Variants in CACNA1C observed in about 807,000 individuals in gnomAD.
CACNA1C encodes the protein voltage-dependent L-type calcium channel subunit alpha-1C.
Under a neutral mutation model 229.0 loss-of-function variants are expected in CACNA1C, and 30 were observed. The observed-to-expected ratio is 0.13, with a 90% CI of 0.10 to 0.18. CACNA1C has a LOEUF of 0.18. CACNA1C is among the 10% of genes least tolerant of loss of function. CACNA1C has a pLI of 1.00. For synonymous variants in CACNA1C, 1,114 were observed against 1,132.5 expected (o/e 0.98, Z 0.33); for missense variants, 1,658 against 2,845.0 (o/e 0.58, Z 9.49).
At chr12:2,044,323 C>T (rs2050711493) in intron 1 of CACNA1C, among the ~76,000 whole-genome samples, 2 of 152,188 alleles carry the variant, frequency 1.3e-5, no homozygotes, top group African/African-American at 4.8e-5. Flanking sequence ...TTCCACCAGG[C>T]TCCACTTGGC....
chr12:2,471,529 G>A (rs1161933430), intron 5 of CACNA1C, among the ~76,000 whole-genome samples: 1 of 152,150 alleles, frequency 6.6e-6, no homozygotes, highest in Non-Finnish European at 1.5e-5. Flanking sequence ...AATTAGCTAA[G>A]CTTTTGTTTA....
chr12:2,083,407 C>A (rs569653979), intron 1 of CACNA1C, among the ~76,000 whole-genome samples: 1 of 152,194 alleles, frequency 6.6e-6, no homozygotes, highest in Non-Finnish European at 1.5e-5. Context: ...AAGAGCATTT[C>A]GACTCTCCCA....
intron 3 of CACNA1C, among the ~76,000 whole-genome samples, chr12:2,188,373 C>T (rs1035064649): frequency 3.9e-5 from 6 of 151,976 alleles, no homozygotes; most frequent in South Asian, 2.1e-4. Flanking sequence ...AACTATGGAT[C>T]GAGATGCATT....
At chr12:2,168,053 T>C (rs1455056058) in intron 3 of CACNA1C, among the ~76,000 whole-genome samples, 1 of 152,016 alleles carries the variant, frequency 6.6e-6, no homozygotes, top group Non-Finnish European at 1.5e-5. Context: ...AGTAGGTCAG[T>C]TTGTGTGTGG....
At chr12:2,363,575 G>A (rs1013522470) in intron 3 of CACNA1C, among the ~76,000 whole-genome samples, 33 of 152,156 alleles carry the variant, frequency 2.2e-4, no homozygotes, top group African/African-American at 7.7e-4. Flanking sequence ...TGCTTCCACA[G>A]TGCCCACCCC....
intron 3 of CACNA1C, among the ~76,000 whole-genome samples, chr12:2,179,552 C>T (rs910006663): frequency 6.6e-6 from 1 of 152,116 alleles, no homozygotes; most frequent in African/African-American, 2.4e-5. Flanking sequence ...TGAACATTGA[C>T]CCAGACCCCT....
At chr12:2,548,690 A>AAAT (rs1812353381) in intron 9 of CACNA1C, among the ~76,000 whole-genome samples, 1 of 152,174 alleles carries the variant, frequency 6.6e-6, no homozygotes, top group Admixed American at 6.5e-5. Context: ...CATGTTCTTG[A>AAAT]AATGATTCTC....
At chr12:2,179,523 A>G (rs7138967) in intron 3 of CACNA1C, among the ~76,000 whole-genome samples, 6,331 of 152,264 alleles carry the variant, frequency 0.042, 428 homozygotes, top group African/African-American at 0.14. Flanking sequence ...GCACCACAGA[A>G]ACTCCGGGCT....
chr12:2,420,115 G>GTT (rs1426966349), intron 3 of CACNA1C, among the ~76,000 whole-genome samples: 1 of 148,052 alleles, frequency 6.8e-6, no homozygotes, highest in African/African-American at 2.5e-5. Flanking sequence ...GTGTGTGTGT[G>GTT]TGTGTGTGTG....
chr12:2,636,208 C>T (rs1261085847), intron 30 of CACNA1C, among the ~76,000 whole-genome samples: 5 of 152,174 alleles, frequency 3.3e-5, no homozygotes, highest in African/African-American at 7.2e-5. Context: ...GCAGAGGGGC[C>T]GAGAGCCCCA....
intron 5 of CACNA1C, among the ~76,000 whole-genome samples, chr12:2,465,780 G>C (rs762463789): frequency 6.6e-6 from 1 of 152,014 alleles, no homozygotes; most frequent in East Asian, 1.9e-4. Context: ...GGAGGTTCAC[G>C]AACCCACCCG....
At chr12:2,201,610 G>A (rs772263478) in intron 3 of CACNA1C, among the ~76,000 whole-genome samples, 30 of 152,298 alleles carry the variant, frequency 2.0e-4, no homozygotes, top group Non-Finnish European at 2.8e-4. Flanking sequence ...ATTTATCCTC[G>A]CTATAAATGT....
At chr12:2,469,850 T>C (rs982152913) in intron 5 of CACNA1C, among the ~76,000 whole-genome samples, 2 of 152,228 alleles carry the variant, frequency 1.3e-5, no homozygotes, top group Non-Finnish European at 2.9e-5. Flanking sequence ...TCCCCAGAAA[T>C]TGTTAGACTT....
At chr12:2,337,379 T>C (rs1489790024) in intron 3 of CACNA1C, among the ~76,000 whole-genome samples, 2 of 152,210 alleles carry the variant, frequency 1.3e-5, no homozygotes, top group African/African-American at 4.8e-5. Flanking sequence ...ACCCCAAGAC[T>C]GTAGGCCTTC....
intron 9 of CACNA1C, among the ~76,000 whole-genome samples, chr12:2,547,874 G>A (rs909364193): frequency 6.6e-6 from 1 of 152,106 alleles, no homozygotes; most frequent in African/African-American, 2.4e-5. Flanking sequence ...AGGTGCTGTC[G>A]TTATTTCCAG....
In CACNA1C at chr12:2,072,651, G is replaced by A. The variant is rs1437790694; in HGVS notation, c.49+19040G>A. On this transcript the variant is annotated intron_variant, in intron 1 of 46. Coordinates refer to ENST00000399655, the MANE Select transcript of CACNA1C (RefSeq NM_000719.7). Reference sequence around the variant, plus strand: ...ATGGTTTCTCCTTTTCAATGTTTTGGTATATAATTTGGTATATGAGGTATA... The same window carrying A: ...ATGGTTTCTCCTTTTCAATGTTTTGATATATAATTTGGTATATGAGGTATA... Among the ~76,000 whole-genome samples, 3 of 151,978 alleles carry A rather than the reference G, an allele frequency of 2.0e-5. No individual in the cohort carries two copies. In the East Asian group the frequency reaches 5.8e-4, roughly 29 times the overall value.
chr12:2,620,416 G>C (rs1380214421), intron 29 of CACNA1C, among the ~76,000 whole-genome samples: 1 of 152,180 alleles, frequency 6.6e-6, no homozygotes, highest in Non-Finnish European at 1.5e-5. Flanking sequence ...CGCTTAGTGA[G>C]TCCTCAGTAA....
chr12:2,185,601 G>A (rs2154289432), intron 3 of CACNA1C, among the ~76,000 whole-genome samples: 1 of 152,340 alleles, frequency 6.6e-6, no homozygotes. Context: ...CACATAGAAG[G>A]AAAAGCATGT....
chr12:2,535,107 G>A (rs2099849982), intron 9 of CACNA1C, among the ~76,000 whole-genome samples: 1 of 152,228 alleles, frequency 6.6e-6, no homozygotes, highest in Non-Finnish European at 1.5e-5. Flanking sequence ...AAAGCAGCTA[G>A]AGCCGGGCAC....
Sources: gnomAD v4.1 joint callset for allele counts (sites outside exome capture counted in the v4.1 genomes callset) on GRCh38, gnomAD v4.1.1 for gene constraint, MANE v1.5 for transcripts, NCBI Gene and HGNC (gene_info 2026-07-23, HGNC 2026-07-21) for gene names.